Variants in RBMS3 observed in about 807,000 individuals in gnomAD.
RBMS3 encodes the protein RNA binding motif single stranded interacting protein 3, also known as RNA-binding motif, single-stranded-interacting protein 3.
In RBMS3, 27 loss-of-function variants were observed where a neutral mutation model predicts 66.8. That is an observed-to-expected ratio of 0.40 (90% confidence interval 0.30 to 0.56). The LOEUF (loss-of-function observed/expected upper bound fraction) is 0.56, where lower values mean the gene tolerates loss of function less well. Among genes scored for constraint, RBMS3 ranks in the 20% least tolerant of loss-of-function variants. The probability of loss-of-function intolerance (pLI) is 0.40; values close to 1 mark genes in which losing one functional copy is unlikely to be tolerated. For missense variants in RBMS3, 513 were observed against 549.5 expected, an observed-to-expected ratio of 0.93 and a Z score of 0.66; for synonymous variants, 188 against 183.0, an observed-to-expected ratio of 1.03 and a Z score of -0.22.
intron 1 of RBMS3, among the ~76,000 whole-genome samples, chr3:29,376,237 T>C (rs1464301678): frequency 9.3e-5 from 14 of 150,580 alleles, no homozygotes; most frequent in Admixed American, 9.3e-4. Context: ...GAATAGCTAA[T>C]GGATAGTGGC....
intron 1 of RBMS3, among the ~76,000 whole-genome samples, chr3:29,355,007 CAATT>C (rs2037135097): frequency 6.6e-6 from 1 of 152,088 alleles, no homozygotes; most frequent in South Asian, 2.1e-4. Context: ...TGTTCAATGA[CAATT>C]AAACAGCTAG....
At chr3:29,471,880 G>C (rs888553020) in intron 2 of RBMS3, among the ~76,000 whole-genome samples, 1 of 151,572 alleles carries the variant, frequency 6.6e-6, no homozygotes, top group Non-Finnish European at 1.5e-5. Context: ...TGTGTCAGAT[G>C]GTTCTAAATT....
intron 6 of RBMS3, among the ~76,000 whole-genome samples, chr3:29,814,632 G>A: frequency 6.6e-6 from 1 of 152,150 alleles, no homozygotes. Context: ...TGGTTGGTAA[G>A]CTACTGATTA....
chr3:29,785,287 A>C (rs879737871), intron 6 of RBMS3, among the ~76,000 whole-genome samples: 9 of 152,148 alleles, frequency 5.9e-5, no homozygotes, highest in Admixed American at 3.3e-4. Flanking sequence ...AGTGAACTGA[A>C]TCCAACAGCT....
chr3:29,878,780 G>A (rs887220307), intron 7 of RBMS3, among the ~76,000 whole-genome samples: 5 of 152,104 alleles, frequency 3.3e-5, no homozygotes, highest in African/African-American at 1.2e-4. Context: ...CAAAAGTCAT[G>A]CCTGTAATTC....
At position 29,922,379 on chromosome 3, in the gene RBMS3, C is replaced by G. The variant is rs10440101; in HGVS notation, c.940-13707C>G. Among the ~76,000 whole-genome samples the G allele has an allele frequency of 8.0e-5, 12 of 150,260 alleles. No individual in the cohort carries two copies. The South Asian group carries it at 8.4e-4, about 11-fold the overall frequency. ...GCGGGCGCCTGTAGTCCCAGCTACT[C>G]GGGAGGCTGAGGCAGGAGAATGGCG... On this transcript the variant is annotated intron_variant, in intron 10 of 14. Transcript: ENST00000383767.
intron 10 of RBMS3, among the ~76,000 whole-genome samples, chr3:29,935,130 T>G (rs563277877): frequency 4.3e-4 from 65 of 152,246 alleles, no homozygotes; most frequent in African/African-American, 1.3e-3. Flanking sequence ...AAAGATTCCA[T>G]CCAATTCAAG....
At chr3:29,316,431 G>GGTTTGAACT (rs2034681036) in intron 1 of RBMS3, among the ~76,000 whole-genome samples, 1 of 151,566 alleles carries the variant, frequency 6.6e-6, no homozygotes, top group Non-Finnish European at 1.5e-5. Flanking sequence ...GAAAAATTTT[G>GGTTTGAACT]TCATTTGGTT....
At position 29,597,034 on chromosome 3, in the gene RBMS3, G is replaced by C. The variant is rs530498379; in HGVS notation, c.399+9829G>C. Among the ~76,000 whole-genome samples the C allele has an allele frequency of 1.8e-4, 28 of 152,110 alleles. 1 individual carries two copies. The East Asian group carries it at 5.4e-3, about 29-fold the overall frequency. The stretch of plus-strand genomic sequence containing the variant: ...CTTCTAACTATTGACTGGTGGAATG[G>C]GACAAGATGGACATCTTTGTTTCTT... On this transcript the variant is annotated intron_variant, in intron 4 of 14. Transcript: ENST00000383767.
chr3:29,286,158 G>T, intron 1 of RBMS3, among the ~76,000 whole-genome samples: 1 of 152,050 alleles, frequency 6.6e-6, no homozygotes, highest in Non-Finnish European at 1.5e-5. Flanking sequence ...GCTTCGGGGG[G>T]TAATATAATA....
chr3:29,845,758 G>C (rs960894023), intron 6 of RBMS3, among the ~76,000 whole-genome samples: 3 of 152,118 alleles, frequency 2.0e-5, no homozygotes, highest in East Asian at 1.9e-4. Flanking sequence ...TGTAATTTCA[G>C]GTTCGAATAA....
At chr3:29,619,373 A>G (rs2048787664) in intron 4 of RBMS3, among the ~76,000 whole-genome samples, 1 of 152,222 alleles carries the variant, frequency 6.6e-6, no homozygotes, top group African/African-American at 2.4e-5. Context: ...ACTTATTAGA[A>G]TTATGGATAG....
chr3:29,490,431 G>T (rs960775219), intron 3 of RBMS3, among the ~76,000 whole-genome samples: 2 of 152,104 alleles, frequency 1.3e-5, no homozygotes, highest in African/African-American at 4.8e-5. Context: ...TGAAAGAGAG[G>T]AATGTATGAA....
At chr3:29,439,062 A>G (rs2041509597) in intron 2 of RBMS3, among the ~76,000 whole-genome samples, 1 of 152,162 alleles carries the variant, frequency 6.6e-6, no homozygotes, top group South Asian at 2.1e-4. Flanking sequence ...TAAAGGAAAC[A>G]TTGTGTGCAG....
intron 1 of RBMS3, among the ~76,000 whole-genome samples, chr3:29,345,019 C>T (rs1343445003): frequency 6.6e-6 from 1 of 152,102 alleles, no homozygotes; most frequent in Non-Finnish European, 1.5e-5. Context: ...TTCAGTCATC[C>T]TGATAACACC....
intron 6 of RBMS3, among the ~76,000 whole-genome samples, chr3:29,868,360 T>A (rs1037777377): frequency 3.9e-5 from 6 of 152,176 alleles, no homozygotes; most frequent in African/African-American, 1.4e-4. Context: ...CATCAGCTTC[T>A]AGCCATTTAG....
At chr3:29,706,411 TAATC>T (rs1221883417) in intron 4 of RBMS3, among the ~76,000 whole-genome samples, 2 of 152,194 alleles carry the variant, frequency 1.3e-5, no homozygotes, top group Non-Finnish European at 2.9e-5. Flanking sequence ...AAGTGACACA[TAATC>T]AAGACTTCCA....
intron 8 of RBMS3, among the ~76,000 whole-genome samples, chr3:29,895,235 T>A (rs2060098788): frequency 6.6e-6 from 1 of 151,622 alleles, no homozygotes; most frequent in South Asian, 2.1e-4. Context: ...GAAAGATGAA[T>A]GTTTTCTTAC....
chr3:30,004,621 G>C lies in RBMS3; in HGVS notation c.*759G>C, dbSNP rs927469549. 6.6e-6 allele frequency: 1 copy of C among 151,966 alleles called. No homozygotes were observed. The highest frequency in any genetic ancestry group is 2.4e-5 in the African/African-American group (1 of 41,344). 9.4% of individuals were successfully genotyped at this position (151,966 alleles called of 1,614,324 possible). ...AACTGCAAGAATTGGAAAAATGCTGGGACTTTTCATGAACTTTGTCTTAAG... is the reference window on the plus strand; with the variant it reads ...AACTGCAAGAATTGGAAAAATGCTGCGACTTTTCATGAACTTTGTCTTAAG... On this transcript the variant is annotated 3_prime_UTR_variant, in exon 15 of 15. Coordinates refer to ENST00000383767, the MANE Select transcript of RBMS3 (RefSeq NM_001003793.3).
Sources: gnomAD v4.1 joint callset for allele counts (sites outside exome capture counted in the v4.1 genomes callset) on GRCh38, gnomAD v4.1.1 for gene constraint, MANE v1.5 for transcripts, NCBI Gene and HGNC (gene_info 2026-07-23, HGNC 2026-07-21) for gene names.